Variants in IGF2BP1 observed in about 807,000 individuals in gnomAD.
IGF2BP1 encodes insulin-like growth factor 2 mRNA-binding protein 1.
IGF2BP1 carries 11 observed loss-of-function variants against 74.9 expected under a neutral mutation model. The observed-to-expected ratio is 0.15, with a 90% CI of 0.09 to 0.24. The LOEUF (loss-of-function observed/expected upper bound fraction) is 0.24. Ranked by LOEUF, IGF2BP1 falls within the 10% of genes least tolerant of loss-of-function variation. IGF2BP1 has a pLI of 1.00. For synonymous variants in IGF2BP1, 287 were observed against 281.8 expected (o/e 1.02, Z -0.18); for missense variants, 440 against 757.4 (o/e 0.58, Z 4.92).
At chr17:49,012,567 C>G (rs527701106) in intron 2 of IGF2BP1, 4 of 152,222 alleles carry the variant, frequency 2.6e-5, no homozygotes, top group South Asian at 4.1e-4. Flanking sequence ...TGATCCACCC[C>G]CTCTTTGTTT....
rs375965648 is a variant in IGF2BP1, at chr17:48,997,936, C to T, written c.175+16C>T. ...ACTTTCTCCGGTAAGAACACAGCCA[C>T]CTCCCGGAAAAGCCACAACGAGAGC... On this transcript the variant is annotated intron_variant, in intron 1 of 14. Coordinates refer to ENST00000290341, the MANE Select transcript of IGF2BP1 (RefSeq NM_006546.4). The surrounding 1 kb of genome is among the most constrained non-coding windows in gnomAD (Gnocchi z 4.8). The T allele has an allele frequency of 3.3e-5, 53 of 1,610,594 alleles. 1 individual carries two copies. The highest frequency in any genetic ancestry group is 3.8e-5 in the Non-Finnish European group (45 of 1,178,220).
chr17:49,011,576 G>C (rs2041619817), intron 2 of IGF2BP1, among the ~76,000 whole-genome samples: 2 of 152,046 alleles, frequency 1.3e-5, no homozygotes, highest in Non-Finnish European at 2.9e-5. Flanking sequence ...TAGAAGGTGT[G>C]AACTCTGGAG....
chr17:49,007,131 G>T (rs146211782), intron 2 of IGF2BP1, among the ~76,000 whole-genome samples: 11 of 152,238 alleles, frequency 7.2e-5, no homozygotes, highest in African/African-American at 2.6e-4. Context: ...CCTCCTGGGG[G>T]TCTGAGGAAG....
At position 49,013,309 on chromosome 17, in the gene IGF2BP1, C is replaced by G. The variant is rs137910914; in HGVS notation, c.237-12309C>G. ...GGAGCTTCCCAGAAGGCCTTGGGGA[C>G]TAGCCCGGGAGGAGAGCCTTCTTTC... On this transcript the variant is annotated intron_variant, in intron 2 of 14. Coordinates refer to ENST00000290341, the MANE Select transcript of IGF2BP1 (RefSeq NM_006546.4). 1.6e-3 allele frequency among the ~76,000 whole-genome samples: 250 copies of G among 152,270 alleles called. 1 individual carries two copies. Among genetic ancestry groups the G allele is most frequent in the Admixed American group, 7.3e-3 (111 of 15,308 alleles).
intron 4 of IGF2BP1, among the ~76,000 whole-genome samples, chr17:49,028,911 G>T (rs1328161015): frequency 2.0e-5 from 3 of 152,094 alleles, no homozygotes; most frequent in Non-Finnish European, 2.9e-5. Context: ...GGGTTCAAGC[G>T]GTTGTCCTGC....
Position 49,017,165 on chromosome 17 carries a change from G to T in IGF2BP1, c.237-8453G>T, listed in dbSNP as rs145208461. On this transcript the variant is annotated intron_variant, in intron 2 of 14. Coordinates refer to ENST00000290341, the MANE Select transcript of IGF2BP1 (RefSeq NM_006546.4). ...TTTGGGAGGGGGCTTCTACTCTGGTGTCAGCCACATGGAACCCTCTTGTTG... is the reference window on the plus strand; with the variant it reads ...TTTGGGAGGGGGCTTCTACTCTGGTTTCAGCCACATGGAACCCTCTTGTTG... Among the ~76,000 whole-genome samples, 19 of 152,142 alleles carry T rather than the reference G, an allele frequency of 1.2e-4. No individual in the cohort carries two copies. The East Asian group carries it at 3.7e-3, about 30-fold the overall frequency.
At chr17:49,010,224 G>A (rs1217030107) in intron 2 of IGF2BP1, among the ~76,000 whole-genome samples, 1 of 151,572 alleles carries the variant, frequency 6.6e-6, no homozygotes, top group African/African-American at 2.4e-5. Flanking sequence ...CTTCCCTCTG[G>A]TCATTTCCAG....
At chr17:49,002,183 T>C (rs1295990944) in intron 2 of IGF2BP1, among the ~76,000 whole-genome samples, 4 of 152,154 alleles carry the variant, frequency 2.6e-5, no homozygotes, top group Non-Finnish European at 5.9e-5. Context: ...CTTAAGTACC[T>C]ATTAAACAAA....
intron 2 of IGF2BP1, chr17:49,014,882 C>T (rs1598131466): frequency 1.0e-6 from 1 of 985,346 alleles, no homozygotes; most frequent in Non-Finnish European, 1.2e-6. Flanking sequence ...GGTCTGGTTT[C>T]CTCTCCTGGC....
chr17:49,027,053 T>A (rs899347952), intron 4 of IGF2BP1, among the ~76,000 whole-genome samples: 3 of 152,184 alleles, frequency 2.0e-5, no homozygotes, highest in African/African-American at 7.2e-5. Context: ...TGCTTCACTT[T>A]CTGTGATCAA....
At chr17:49,046,130 A>G in intron 13 of IGF2BP1, 109 bp downstream of exon 13, 1 of 1,462,202 alleles carries the variant, frequency 6.8e-7, no homozygotes, top group Non-Finnish European at 9.4e-7. Flanking sequence ...TTGCTCATTT[A>G]CTTGATTCTA....
At position 49,002,699 on chromosome 17, in the gene IGF2BP1, A is replaced by ATT. The variant is rs60312699; in HGVS notation, c.236+3545_236+3546dup. Among the ~76,000 whole-genome samples the ATT allele has an allele frequency of 2.4e-4, 33 of 139,250 alleles. No homozygotes were observed. In the South Asian group the frequency reaches 2.5e-3, roughly 11 times the overall value. 91.4% of individuals were successfully genotyped at this position (139,250 alleles called of 152,430 possible). A position where few individuals can be genotyped will look rare whatever the true frequency, so the allele number is the denominator to read the frequency against. On this transcript the variant is annotated intron_variant, in intron 2 of 14. Coordinates refer to ENST00000290341, the MANE Select transcript of IGF2BP1 (RefSeq NM_006546.4). ...GTTTTCTTATTAATATTAGGTTAGA[A>ATT]TTTTTTTTTTTTTTTTGCTTTACAT...
intron 2 of IGF2BP1, among the ~76,000 whole-genome samples, chr17:48,999,964 T>TGTGTGTGTG (rs2041467145): frequency 1.0e-5 from 1 of 96,176 alleles, no homozygotes; most frequent in African/African-American, 4.4e-5. Flanking sequence ...GTGTGTGTGT[T>TGTGTGTGTG]CGTGTGTGTT....
At chr17:49,030,485 G>A (rs2041909737) in intron 4 of IGF2BP1, among the ~76,000 whole-genome samples, 1 of 152,134 alleles carries the variant, frequency 6.6e-6, no homozygotes, top group Admixed American at 6.5e-5. Context: ...TTGTGTCCTT[G>A]AGGATACATA....
chr17:49,034,488 C>G (rs953228393), intron 5 of IGF2BP1, among the ~76,000 whole-genome samples: 3 of 150,888 alleles, frequency 2.0e-5, no homozygotes, highest in Non-Finnish European at 4.4e-5. Flanking sequence ...TTTGTAATTC[C>G]AGCCCTTTGG....
chr17:49,030,377 A>C (rs912211099), intron 4 of IGF2BP1, among the ~76,000 whole-genome samples: 1 of 151,986 alleles, frequency 6.6e-6, no homozygotes, highest in African/African-American at 2.4e-5. Context: ...CCTGACCTCA[A>C]GTGATCCACC....
At chr17:49,042,712 T>C (rs1053294974) in intron 9 of IGF2BP1, among the ~76,000 whole-genome samples, 6 of 152,104 alleles carry the variant, frequency 3.9e-5, no homozygotes, top group African/African-American at 1.4e-4. Context: ...GGTCTTGGTA[T>C]GTTGCCCAGG....
Position 48,997,458 on chromosome 17 carries a change from G to A in IGF2BP1, c.-288G>A, listed in dbSNP as rs1301551584. 1.9e-5 allele frequency: 4 copies of A among 210,318 alleles called. No homozygotes were observed. Among genetic ancestry groups the A allele is most frequent in the Non-Finnish European group, 3.7e-5 (4 of 108,016 alleles). 13.0% of individuals were successfully genotyped at this position (210,318 alleles called of 1,614,324 possible). On this transcript the variant is annotated 5_prime_UTR_variant, in exon 1 of 15. Coordinates refer to ENST00000290341, the MANE Select transcript of IGF2BP1 (RefSeq NM_006546.4). The surrounding 1 kb of genome is among the most constrained non-coding windows in gnomAD (Gnocchi z 4.8). ...GGCCGCGGAGAAACGTGACACACCA[G>A]CCCTCTCGGAGGGGTTTCGGACCGA...
At position 49,015,356 on chromosome 17, in the gene IGF2BP1, C is replaced by T. The variant is rs1251064514; in HGVS notation, c.237-10262C>T. On this transcript the variant is annotated intron_variant, in intron 2 of 14. Coordinates refer to ENST00000290341, the MANE Select transcript of IGF2BP1 (RefSeq NM_006546.4). Reference sequence around the variant, plus strand: ...TGCTAAACCAGCATCTCCAGAGAGGCGGGGCCGGGCCAGAGATGGTCTTCC... The same window carrying T: ...TGCTAAACCAGCATCTCCAGAGAGGTGGGGCCGGGCCAGAGATGGTCTTCC... Among the ~76,000 whole-genome samples, 21 of 152,138 alleles carry T rather than the reference C, an allele frequency of 1.4e-4. 1 individual carries two copies. The highest frequency in any genetic ancestry group is 9.8e-4 in the Admixed American group (15 of 15,276).
Sources: gnomAD v4.1 joint callset for allele counts (sites outside exome capture counted in the v4.1 genomes callset) on GRCh38, gnomAD v4.1.1 for gene constraint, Gnocchi (gnomAD v3.1) non-coding constraint, MANE v1.5 for transcripts, NCBI Gene and HGNC (gene_info 2026-07-23, HGNC 2026-07-21) for gene names.